The following MIOS variants were observed in gnomAD, a reference collection of about 807,000 sequenced individuals.
MIOS encodes the protein meiosis regulator for oocyte development.
A neutral mutation model predicts 96.9 loss-of-function variants in MIOS; 52 were observed. That is an observed-to-expected ratio of 0.54 (90% CI 0.43 to 0.68). The LOEUF is 0.68. MIOS is among the 30% of genes least tolerant of loss of function. The pLI is 0.00. For missense variants in MIOS, 1,005 were observed against 1,052.8 expected (o/e 0.95, Z 0.63); for synonymous variants, 397 against 359.5 (o/e 1.10, Z -1.18).
Position 7,583,263 on chromosome 7 carries a change from C to T in MIOS, c.1539C>T (p.Asn513=). The change falls in exon 6 of 13, where the codon AAC becomes AAT. Residue 513 remains asparagine (N), a synonymous_variant. Transcript: ENST00000340080. ...ATGTAGACGTGGGGCCATTTTTGAACTCCCTTGTACAAGAAGGGGAATGGG... is the reference window on the plus strand; with the variant it reads ...ATGTAGACGTGGGGCCATTTTTGAATTCCCTTGTACAAGAAGGGGAATGGG... ...GTDVDVGPFL[N]SLVQEGEWER... 6.2e-7 allele frequency: 1 copy of T among 1,614,092 alleles called. No homozygotes were observed. The highest frequency in any genetic ancestry group is 8.5e-7 in the Non-Finnish European group (1 of 1,179,974).
chr7:7,581,224 C>T (rs1299989322), intron 5 of MIOS, among the ~76,000 whole-genome samples: 1 of 142,568 alleles, frequency 7.0e-6, no homozygotes, highest in East Asian at 2.3e-4. Flanking sequence ...TCGCTTGAAC[C>T]TGGGAGGCGG....
intron 9 of MIOS, among the ~76,000 whole-genome samples, chr7:7,590,739 A>G (rs1056504283): frequency 6.6e-6 from 1 of 152,048 alleles, no homozygotes; most frequent in Non-Finnish European, 1.5e-5. Context: ...TTTTTAAAAG[A>G]TGTTGCTGTA....
chr7:7,606,933 A>C, intron 12 of MIOS, 63 bp from the exon 13 acceptor site: 1 of 1,258,600 alleles, frequency 7.9e-7, no homozygotes, highest in Non-Finnish European at 1.1e-6. Context: ...AAAAATAAAT[A>C]AATAAATAAA....
chr7:7,583,852 T>A (rs1010638475), intron 6 of MIOS, among the ~76,000 whole-genome samples: 1 of 152,184 alleles, frequency 6.6e-6, no homozygotes, highest in Non-Finnish European at 1.5e-5. Context: ...CATACTTTGA[T>A]CTTCAAATTG....
chr7:7,587,268 A>C (rs2348339), intron 7 of MIOS, among the ~76,000 whole-genome samples: 149,666 of 152,222 alleles, frequency 0.98, 73,586 homozygotes, highest in East Asian at 1. Context: ...GATCCACCTG[A>C]CTTGGCCTCC....
intron 7 of MIOS, among the ~76,000 whole-genome samples, chr7:7,587,229 A>T (rs1453868882): frequency 6.6e-6 from 1 of 151,920 alleles, no homozygotes; most frequent in Non-Finnish European, 1.5e-5. Flanking sequence ...AGAAATATCA[A>T]TTCTGGTCTC....
chr7:7,593,901 A>AAAAAAAAAAAAAAAAAAAAAAAC (rs376486803), intron 9 of MIOS, among the ~76,000 whole-genome samples: 6 of 145,034 alleles, frequency 4.1e-5, no homozygotes, highest in Admixed American at 6.9e-5. Flanking sequence ...AAAAAGAAAA[A>AAAAAAAAAAAAAAAAAAAAAAAC]GAAAAGAAAA....
chr7:7,582,900 C>A, intron 5 of MIOS: 1 of 504,770 alleles, frequency 2.0e-6, no homozygotes, highest in Non-Finnish European at 3.2e-6. Flanking sequence ...TGAGCATTTG[C>A]TCTTATTTCA....
At chr7:7,589,620 C>G in intron 9 of MIOS, 57 bp downstream of exon 9, 1 of 1,537,034 alleles carries the variant, frequency 6.5e-7, no homozygotes, top group South Asian at 1.3e-5. Context: ...TATTTTCTTT[C>G]CTCAGTTGAA....
In MIOS at chr7:7,583,124, T is replaced by A; in HGVS notation, c.1400T>A (p.Val467Glu). ...KSIVKSSLGM[V>E]ESSRHNWSGL... ...AAATGTTTTCTGTTTTTAGGAATGG[T>A]GGAAAGCAGCAGACATAATTGGAGT... The change falls in exon 6 of 13, where the codon GTG (valine) becomes GAG (glutamate). Residue 467 changes from valine to glutamate, a missense_variant. Physicochemically the swap from Val to Glu is moderately radical, Grantham distance 121 (BLOSUM62 -2). Transcript: ENST00000340080. 6.2e-7 allele frequency: 1 copy of A among 1,607,436 alleles called. No individual in the cohort carries two copies. The highest frequency in any genetic ancestry group is 8.5e-7 in the Non-Finnish European group (1 of 1,176,918).
In MIOS at chr7:7,572,848, G is replaced by T. The variant is rs754287818; in HGVS notation, c.373G>T (p.Asp125Tyr). The change falls in exon 4 of 13, where the codon GAT becomes TAT. Residue 125 changes from aspartate (D) to tyrosine (Y), a missense_variant. Transcript: ENST00000340080. This position sits in a 1 kb window ranked among gnomAD's most constrained non-coding sequence, Gnocchi z 4.8. ...TAATACCCTTGCCTGGAATCCACTG[G>T]ATAGTAACTGGCTAGCTGCTGGTTT... ...QCNTLAWNPL[D>Y]SNWLAAGLDK... is the part of the protein sequence containing the mutation. 6 of 1,614,020 alleles carry T rather than the reference G, an allele frequency of 3.7e-6. No homozygotes were observed. In the African/African-American group the frequency reaches 4.0e-5, roughly 11 times the overall value.
At chr7:7,568,445 A>G (rs895969385) in intron 3 of MIOS, among the ~76,000 whole-genome samples, 4 of 152,218 alleles carry the variant, frequency 2.6e-5, no homozygotes, top group African/African-American at 9.7e-5. Flanking sequence ...ATGTATGTTC[A>G]TGAGCAAGGA....
intron 12 of MIOS, 61 bp downstream of exon 12, chr7:7,606,132 C>G (rs1398782027): frequency 1.3e-6 from 2 of 1,578,334 alleles, no homozygotes; most frequent in East Asian, 2.3e-5. Context: ...CAGATTGCTT[C>G]TAAATAGTTT....
At chr7:7,585,418 T>TCCC (rs1563027959) in intron 6 of MIOS, among the ~76,000 whole-genome samples, 19 of 99,242 alleles carry the variant, frequency 1.9e-4, no homozygotes, top group South Asian at 1.6e-3. Context: ...ACCCCCCCCT[T>TCCC]TTTTTTTTTT....
At chr7:7,574,967 A>C (rs1783482140) in intron 5 of MIOS, among the ~76,000 whole-genome samples, 2 of 152,124 alleles carry the variant, frequency 1.3e-5, no homozygotes, top group Non-Finnish European at 1.5e-5. Context: ...GACCATCCCT[A>C]TTCTGAAATC....
chr7:7,593,879 C>CAAAAAAAAAAAAAAAAAA (rs35986278), intron 9 of MIOS, among the ~76,000 whole-genome samples: 1 of 47,864 alleles, frequency 2.1e-5, no homozygotes, highest in African/African-American at 6.6e-5. Flanking sequence ...ACTCTGTCTC[C>CAAAAAAAAAAAAAAAAAA]AAAAAAAAAA....
Position 7,607,178 on chromosome 7 carries a change from C to CA in MIOS, c.*86_*87insA. ...GCTCAGAAACATACCTCAGAACAAG[C>CA]CATTCATGACTTACCTGTAATGGGA... On this transcript the variant is annotated 3_prime_UTR_variant, in exon 13 of 13. Coordinates refer to ENST00000340080, the MANE Select transcript of MIOS (RefSeq NM_019005.4). 1 of 927,584 alleles carries CA rather than the reference C, an allele frequency of 1.1e-6. No individual in the cohort carries two copies. The highest frequency in any genetic ancestry group is 2.6e-5 in the East Asian group (1 of 38,948). 57.5% of individuals were successfully genotyped at this position (927,584 alleles called of 1,614,324 possible).
intron 3 of MIOS, among the ~76,000 whole-genome samples, chr7:7,570,985 T>C (rs1389409613): frequency 1.3e-4 from 20 of 152,178 alleles, no homozygotes; most frequent in Admixed American, 1.3e-3. Context: ...CTGAAACTTT[T>C]GCAAGATCAA....
In MIOS at chr7:7,573,301, T is replaced by C; in HGVS notation, c.826T>C (p.Cys276Arg). The change falls in exon 4 of 13, where the codon TGT becomes CGT. Residue 276 changes from cysteine to arginine, a missense_variant. Physicochemically the swap from Cys to Arg is radical, Grantham distance 180. Coordinates refer to ENST00000340080, the MANE Select transcript of MIOS (RefSeq NM_019005.4). The surrounding 1 kb of genome is among the most constrained non-coding windows in gnomAD (Gnocchi z 5.0). Reference protein sequence around the residue: ...QPKPLTKVAWCPTRTGLLATL... With the variant: ...QPKPLTKVAWRPTRTGLLATL... ...AAAACCCTTAACAAAAGTAGCATGGTGTCCCACTAGGACTGGTCTACTTGC... is the reference window on the plus strand; with the variant it reads ...AAAACCCTTAACAAAAGTAGCATGGCGTCCCACTAGGACTGGTCTACTTGC... 1 of 1,614,106 alleles carries C rather than the reference T, an allele frequency of 6.2e-7. No individual in the cohort carries two copies. The highest frequency in any genetic ancestry group is 8.5e-7 in the Non-Finnish European group (1 of 1,179,968).
Sources: allele counts gnomAD v4.1 joint callset (sites outside exome capture counted in the v4.1 genomes callset), GRCh38; gene constraint gnomAD v4.1.1; non-coding constraint Gnocchi (gnomAD v3.1); transcripts MANE v1.5; gene names NCBI Gene and HGNC (gene_info 2026-07-23, HGNC 2026-07-21).